Variants in SNX8 observed in about 807,000 individuals in gnomAD.
SNX8 encodes the protein sorting nexin 8, also known as sorting nexin-8.
A neutral mutation model predicts 51.6 loss-of-function variants in SNX8; 25 were observed. The ratio of observed to expected loss-of-function variants is 0.48; its 90% CI spans 0.35 to 0.68. SNX8 has a LOEUF of 0.68. SNX8 is among the 30% of genes least tolerant of loss of function. The pLI, the probability that SNX8 is intolerant of heterozygous loss-of-function variation, is 0.00. For missense variants in SNX8, 695 were observed against 624.0 expected (o/e 1.11, Z -1.21); for synonymous variants, 324 against 277.0 (o/e 1.17, Z -1.68).
chr7:2,302,875 C>A (rs543223038), intron 1 of SNX8, among the ~76,000 whole-genome samples: 1 of 150,702 alleles, frequency 6.6e-6, no homozygotes, highest in Non-Finnish European at 1.5e-5. Context: ...GCAACCGCCC[C>A]GTCTGAGAAG....
intron 3 of SNX8, 149 bp from the exon 4 acceptor site, chr7:2,272,120 C>T (rs1795663228): frequency 8.9e-7 from 1 of 1,121,968 alleles, no homozygotes; most frequent in South Asian, 1.6e-5. Context: ...GCTGCTCAGA[C>T]AATGGGTCTG....
chr7:2,343,169 A>G (rs1276861643), intron 1 of SNX8, among the ~76,000 whole-genome samples: 1 of 151,406 alleles, frequency 6.6e-6, no homozygotes, highest in Non-Finnish European at 1.5e-5. Flanking sequence ...GACCTCAAAT[A>G]ATCCACCCAC....
intron 5 of SNX8, among the ~76,000 whole-genome samples, chr7:2,265,338 T>G (rs1296251194): frequency 2.7e-5 from 4 of 150,594 alleles, no homozygotes; most frequent in Non-Finnish European, 5.9e-5. Context: ...AGACTCCGTC[T>G]CAAAAACTAA....
Position 2,257,070 on chromosome 7 carries a change from G to A in SNX8, c.1135-47C>T, listed in dbSNP as rs368957267. The A allele has an allele frequency of 6.7e-4, 1,034 of 1,544,318 alleles. 1 individual carries two copies. The highest frequency in any genetic ancestry group is 1.5e-3 in the Middle Eastern group (7 of 4,692). On this transcript the variant is annotated intron_variant, in intron 9 of 10. Transcript: ENST00000222990. ...TTCGCACCCGGCCCAGCCGGCGACG[G>A]GAGCACCAAGGCCCGAACACCAGCG...
At chr7:2,326,540 T>C (rs940346786) in intron 1 of SNX8, among the ~76,000 whole-genome samples, 8 of 150,732 alleles carry the variant, frequency 5.3e-5, no homozygotes, top group South Asian at 2.1e-4. Flanking sequence ...GTGGCGGGAG[T>C]CTGTAGTCCC....
At chr7:2,343,141 G>C (rs1778963509) in intron 1 of SNX8, among the ~76,000 whole-genome samples, 1 of 151,756 alleles carries the variant, frequency 6.6e-6, no homozygotes, top group African/African-American at 2.4e-5. Flanking sequence ...ATGTTGGCCA[G>C]GCTGGTCTCT....
intron 1 of SNX8, among the ~76,000 whole-genome samples, chr7:2,348,262 C>G (rs900290673): frequency 6.6e-6 from 1 of 151,194 alleles, no homozygotes; most frequent in Non-Finnish European, 1.5e-5. Flanking sequence ...AGCTCCCCCT[C>G]TAGCCTGCAC....
chr7:2,257,219 G>A (rs1795208772), intron 9 of SNX8, 146 bp downstream of exon 9: 8 of 1,156,852 alleles, frequency 6.9e-6, no homozygotes, highest in Non-Finnish European at 9.6e-6. Flanking sequence ...GGGCACGCGG[G>A]CCAGCTCCCT....
chr7:2,342,668 A>G (rs574719868), intron 1 of SNX8, among the ~76,000 whole-genome samples: 70 of 151,642 alleles, frequency 4.6e-4, no homozygotes, highest in African/African-American at 1.5e-3. Flanking sequence ...AAAAAAAAAA[A>G]GGATAGAATT....
At chr7:2,351,445 A>T (rs2115255133) in intron 1 of SNX8, among the ~76,000 whole-genome samples, 1 of 152,224 alleles carries the variant, frequency 6.6e-6, no homozygotes, top group South Asian at 2.1e-4. Context: ...CCAGATACTC[A>T]GGAAGCTAAG....
chr7:2,353,446 C>A (rs990650791), intron 1 of SNX8, among the ~76,000 whole-genome samples: 2 of 150,074 alleles, frequency 1.3e-5, no homozygotes, highest in African/African-American at 4.9e-5. Flanking sequence ...ACCTTTTTGG[C>A]ATTTTATTTT....
At chr7:2,258,842 G>A (rs1795264620) in intron 7 of SNX8, among the ~76,000 whole-genome samples, 1 of 152,224 alleles carries the variant, frequency 6.6e-6, no homozygotes, top group African/African-American at 2.4e-5. Context: ...CAACAGGGCA[G>A]TGAGTGCACA....
chr7:2,298,242 C>G (rs1007925485), intron 1 of SNX8, among the ~76,000 whole-genome samples: 1 of 152,010 alleles, frequency 6.6e-6, no homozygotes, highest in Non-Finnish European at 1.5e-5. Context: ...CTCAGACTCC[C>G]GAGTAGCCGG....
At chr7:2,271,797 G>C in intron 4 of SNX8, 53 bp downstream of exon 4, 1 of 1,552,312 alleles carries the variant, frequency 6.4e-7, no homozygotes, top group Non-Finnish European at 8.7e-7. Flanking sequence ...AGGCGGGTCC[G>C]GAGGCTCGGG....
At chr7:2,314,540 C>T (rs1796724097), upstream of SNX8, 2 of 1,020,256 alleles carry the variant, frequency 2.0e-6, no homozygotes, top group Non-Finnish European at 1.2e-6. Flanking sequence ...GCGCGCCACG[C>T]CCACAGTCCG....
At position 2,254,907 on chromosome 7, in the gene SNX8, C is replaced by T. The variant is rs541726444; in HGVS notation, c.*149G>A. ...CCCCATGGTCCACGGATGCGCCTCCCGACCCGCAGGCGTGAGCTCCTCTGC... is the reference window on the plus strand; with the variant it reads ...CCCCATGGTCCACGGATGCGCCTCCTGACCCGCAGGCGTGAGCTCCTCTGC... On this transcript the variant is annotated 3_prime_UTR_variant, in exon 11 of 11. Transcript: ENST00000222990. 43 of 657,784 alleles carry T rather than the reference C, an allele frequency of 6.5e-5. 1 individual carries two copies. Among genetic ancestry groups the T allele is most frequent in the Middle Eastern group, 6.8e-4 (2 of 2,946 alleles). 40.7% of individuals were successfully genotyped at this position (657,784 alleles called of 1,614,324 possible).
rs1446511397 is a variant in SNX8 at position 2,263,136 on chromosome 7, C to T, written c.915+94G>A. ...CCTTCTCAAAACAACAAAACAAAAA[C>T]GAACTGTGACGCCCATCTAAGCAGG... is the stretch of plus-strand genomic sequence containing the variant. On this transcript the variant is annotated intron_variant, in intron 7 of 10. Coordinates refer to ENST00000222990, the MANE Select transcript of SNX8 (RefSeq NM_013321.4). The T allele has an allele frequency of 1.8e-5, 26 of 1,432,772 alleles. No individual in the cohort carries two copies. The South Asian group carries it at 2.0e-4, about 11-fold the overall frequency. 88.8% of individuals were successfully genotyped at this position (1,432,772 alleles called of 1,614,324 possible). A position where few individuals can be genotyped will look rare whatever the true frequency, so the allele number is the denominator to read the frequency against.
At chr7:2,324,384 A>G (rs750409931) in intron 1 of SNX8, among the ~76,000 whole-genome samples, 68 of 148,644 alleles carry the variant, frequency 4.6e-4, no homozygotes, top group Non-Finnish European at 8.9e-4. Context: ...TCCACCTCCC[A>G]GGTTCAAACA....
At chr7:2,262,104 C>G (rs1795350663) in intron 7 of SNX8, among the ~76,000 whole-genome samples, 1 of 152,240 alleles carries the variant, frequency 6.6e-6, no homozygotes, top group Non-Finnish European at 1.5e-5. Flanking sequence ...GTGGCACCAT[C>G]ATGGCTCACT....
Sources: gnomAD v4.1 joint callset for allele counts (sites outside exome capture counted in the v4.1 genomes callset) on GRCh38, gnomAD v4.1.1 for gene constraint, MANE v1.5 for transcripts, NCBI Gene and HGNC (gene_info 2026-07-23, HGNC 2026-07-21) for gene names.